The following EYS variants were observed in gnomAD, a reference collection of about 807,000 sequenced individuals.
EYS encodes protein eyes shut homolog.
EYS carries 250 observed loss-of-function variants against 282.1 expected under a neutral mutation model. The observed-to-expected ratio is 0.89, with a 90% CI of 0.80 to 0.98. The LOEUF (loss-of-function observed/expected upper bound fraction) is 0.98. EYS is among the 50% of genes least tolerant of loss of function. EYS has a pLI of 0.00. For missense variants in EYS, 4,016 were observed against 3,709.0 expected, an observed-to-expected ratio of 1.08 and a Z score of -2.15; for synonymous variants, 1,355 against 1,282.9, an observed-to-expected ratio of 1.06 and a Z score of -1.20.
At chr6:64,797,224 A>G (rs139913763) in intron 22 of EYS, among the ~76,000 whole-genome samples, 17 of 152,210 alleles carry the variant, frequency 1.1e-4, no homozygotes, top group African/African-American at 3.8e-4. Flanking sequence ...GAAAGAGAAA[A>G]ATAAGTATGA....
chr6:63,896,477 C>T (rs1562084753), intron 35 of EYS, among the ~76,000 whole-genome samples: 1 of 152,116 alleles, frequency 6.6e-6, no homozygotes, highest in Non-Finnish European at 1.5e-5. Context: ...CCTCCTGTCC[C>T]CACACATGTA....
At chr6:65,533,976 T>C (rs988676490) in intron 2 of EYS, among the ~76,000 whole-genome samples, 4 of 152,098 alleles carry the variant, frequency 2.6e-5, no homozygotes, top group African/African-American at 9.7e-5. Context: ...TACCCTAATT[T>C]TTTTTTTTGT....
chr6:65,456,111 A>G (rs1764601569), intron 5 of EYS, among the ~76,000 whole-genome samples: 1 of 152,000 alleles, frequency 6.6e-6, no homozygotes, highest in African/African-American at 2.4e-5. Context: ...AGGGACACAG[A>G]TACAAAAAAT....
rs1312069480 is a variant in EYS at position 65,494,727 on chromosome 6, G to T, written c.684C>A (p.Cys228Ter). The change falls in exon 4 of 43, where the codon TGC becomes TGA. Residue 228 changes from cysteine to a stop codon, truncating the protein, a stop_gained. Coordinates refer to ENST00000503581, the MANE Select transcript of EYS (RefSeq NM_001142800.2). LOFTEE classifies it high-confidence loss of function. ...CATCCCAATTTTCTCTTTTATTAATGCAACTGCCATTATTTTTACATGGTT... is the reference window on the plus strand; with the variant it reads ...CATCCCAATTTTCTCTTTTATTAATTCAACTGCCATTATTTTTACATGGTT... Reference protein sequence around the residue: ...SFKPCKNNGSCINKRENWDEQ... With the variant: ...SFKPCKNNGS 1.2e-6 allele frequency: 2 copies of T among 1,610,738 alleles called. No homozygotes were observed. The highest frequency in any genetic ancestry group is 1.7e-6 in the Non-Finnish European group (2 of 1,178,194).
At chr6:64,487,622 A>C (rs1052894780) in intron 26 of EYS, among the ~76,000 whole-genome samples, 1 of 151,032 alleles carries the variant, frequency 6.6e-6, no homozygotes, top group Non-Finnish European at 1.5e-5. Context: ...CATTTATTTT[A>C]AAACTATAAG....
intron 33 of EYS, among the ~76,000 whole-genome samples, chr6:64,013,841 T>G (rs1768760249): frequency 6.6e-6 from 1 of 152,192 alleles, no homozygotes; most frequent in African/African-American, 2.4e-5. Context: ...CTTTTTCTTT[T>G]TGGAATCTAT....
At chr6:64,209,774 C>T (rs940277081) in intron 31 of EYS, among the ~76,000 whole-genome samples, 2 of 152,090 alleles carry the variant, frequency 1.3e-5, no homozygotes, top group Non-Finnish European at 2.9e-5. Context: ...TCTTTCTTTT[C>T]TGCTTAACCA....
At chr6:64,711,970 A>G (rs922860572) in intron 22 of EYS, among the ~76,000 whole-genome samples, 9 of 152,216 alleles carry the variant, frequency 5.9e-5, no homozygotes, top group African/African-American at 2.2e-4. Context: ...GGGTAGGTAT[A>G]TGTAAAATAG....
intron 22 of EYS, among the ~76,000 whole-genome samples, chr6:64,686,773 A>ATATATATATATATATATATGTG (rs1346103100): frequency 3.4e-4 from 3 of 8,938 alleles, no homozygotes; most frequent in Non-Finnish European, 1.2e-3. Context: ...GTGTGTATAT[A>ATATATATATATATATATATGTG]TATATATATA....
intron 12 of EYS, among the ~76,000 whole-genome samples, chr6:65,091,176 G>T (rs573467302): frequency 6.7e-6 from 1 of 148,800 alleles, no homozygotes; most frequent in Non-Finnish European, 1.5e-5. Context: ...GCTTAAGCCT[G>T]TAATCCTAGC....
intron 11 of EYS, among the ~76,000 whole-genome samples, chr6:65,311,061 T>C (rs1050459681): frequency 7.2e-6 from 1 of 138,542 alleles, no homozygotes; most frequent in Non-Finnish European, 1.7e-5. Flanking sequence ...ATGAATAAAA[T>C]ATTATTTTTT....
intron 31 of EYS, among the ~76,000 whole-genome samples, chr6:64,107,296 T>C (rs1438467508): frequency 8.0e-6 from 1 of 124,736 alleles, no homozygotes; most frequent in African/African-American, 3.6e-5. Context: ...TATATATATA[T>C]ATATATATAT....
chr6:65,381,889 T>C (rs1333383741), intron 8 of EYS, among the ~76,000 whole-genome samples: 2 of 152,012 alleles, frequency 1.3e-5, no homozygotes, highest in African/African-American at 2.4e-5. Context: ...TGATTTTAAG[T>C]TTTAAGGTCT....
At chr6:63,868,497 C>T (rs746438962) in intron 35 of EYS, among the ~76,000 whole-genome samples, 14 of 152,024 alleles carry the variant, frequency 9.2e-5, no homozygotes, top group Admixed American at 3.9e-4. Context: ...GATCATTAGC[C>T]GATTTCAAAG....
chr6:63,872,121 A>G (rs1772822216), intron 35 of EYS, among the ~76,000 whole-genome samples: 1 of 152,200 alleles, frequency 6.6e-6, no homozygotes, highest in African/African-American at 2.4e-5. Flanking sequence ...CAGGAATTCT[A>G]GCAAGTTCAG....
chr6:65,625,504 G>A (rs1226590985), intron 2 of EYS, among the ~76,000 whole-genome samples: 1 of 152,144 alleles, frequency 6.6e-6, no homozygotes, highest in African/African-American at 2.4e-5. Flanking sequence ...ACAAAAACAT[G>A]TTAATTTTGT....
At chr6:64,886,506 T>A (rs1037354921) in intron 19 of EYS, among the ~76,000 whole-genome samples, 191 bp downstream of exon 19, 2 of 152,072 alleles carry the variant, frequency 1.3e-5, no homozygotes, top group African/African-American at 4.8e-5. Flanking sequence ...ATCTTAGGAT[T>A]TAATAAATTG....
intron 13 of EYS, among the ~76,000 whole-genome samples, chr6:64,998,028 T>C (rs1771332187): frequency 6.6e-6 from 1 of 152,196 alleles, no homozygotes; most frequent in Non-Finnish European, 1.5e-5. Flanking sequence ...ACAATATATA[T>C]GATAAATAGG....
intron 18 of EYS, among the ~76,000 whole-genome samples, chr6:64,896,157 G>C (rs549944283): frequency 1.8e-4 from 27 of 152,282 alleles, no homozygotes; most frequent in African/African-American, 6.5e-4. Flanking sequence ...TGGCAGAATA[G>C]GAATAGCTCA....
Sources: allele counts gnomAD v4.1 joint callset (sites outside exome capture counted in the v4.1 genomes callset), GRCh38; gene constraint gnomAD v4.1.1; transcripts MANE v1.5; gene names NCBI Gene and HGNC (gene_info 2026-07-23, HGNC 2026-07-21).